The following ATP10B variants were observed in gnomAD, a reference collection of about 807,000 sequenced individuals.
ATP10B encodes the protein ATPase phospholipid transporting 10B (putative), also known as phospholipid-transporting ATPase VB.
A neutral mutation model predicts 141.2 loss-of-function variants in ATP10B; 122 were observed. That is an observed-to-expected ratio of 0.86 (90% CI 0.75 to 1.00). The LOEUF is 1.00. ATP10B is among the 50% of genes least tolerant of loss of function. ATP10B has a pLI of 0.00. For missense variants in ATP10B, 1,876 were observed against 1,825.3 expected (o/e 1.03, Z -0.51); for synonymous variants, 685 against 692.0 (o/e 0.99, Z 0.16).
chr5:160,689,597 G>A (rs1433811293), intron 3 of ATP10B, among the ~76,000 whole-genome samples: 2 of 152,078 alleles, frequency 1.3e-5, no homozygotes, highest in Non-Finnish European at 2.9e-5. Flanking sequence ...CAAACAGAGA[G>A]CCAAATCATG....
intron 10 of ATP10B, among the ~76,000 whole-genome samples, chr5:160,638,467 G>T (rs574141478): frequency 2.6e-5 from 4 of 152,250 alleles, no homozygotes; most frequent in African/African-American, 9.6e-5. Flanking sequence ...GGCCAAATGG[G>T]CTGGGGAGAG....
chr5:160,926,523 G>T, the ATP10B span, among the ~76,000 whole-genome samples: 1 of 152,206 alleles, frequency 6.6e-6, no homozygotes, highest in Non-Finnish European at 1.5e-5. Context: ...GCCAACCTGA[G>T]GATCAGATAT....
rs562655234 is a variant in ATP10B, at chr5:160,613,819, T to C, written c.2654-894A>G. 2.6e-5 allele frequency: 4 copies of C among 152,310 alleles called. No homozygotes were observed. The South Asian group carries it at 8.3e-4, about 32-fold the overall frequency. The allele number at this position is 152,310 out of a possible 1,614,324, so 9.4% of individuals were successfully genotyped here. A position where few individuals can be genotyped will look rare whatever the true frequency, so the allele number is the denominator to read the frequency against. ...ATCCAAATATTGAATAGTTGCTAAGTGATTAAGCAAAAATAAATCTGCTTT... is the reference window on the plus strand; with the variant it reads ...ATCCAAATATTGAATAGTTGCTAAGCGATTAAGCAAAAATAAATCTGCTTT... On this transcript the variant is annotated intron_variant, in intron 17 of 25. Transcript: ENST00000327245.
chr5:160,636,413 G>C, intron 10 of ATP10B, 104 bp from the exon 11 acceptor site: 1 of 1,230,696 alleles, frequency 8.1e-7, no homozygotes, highest in South Asian at 1.5e-5. Context: ...GTGTGCTTTG[G>C]AGGACCCCTC....
intron 1 of ATP10B, among the ~76,000 whole-genome samples, chr5:160,846,532 C>T (rs1776129042): frequency 6.6e-6 from 1 of 152,118 alleles, no homozygotes; most frequent in African/African-American, 2.4e-5. Flanking sequence ...GTAGTTTTTA[C>T]TCTATAATGC....
chr5:160,810,325 AGTTTCT>A (rs1388115919), intron 1 of ATP10B, among the ~76,000 whole-genome samples: 1 of 151,938 alleles, frequency 6.6e-6, no homozygotes, highest in Admixed American at 6.6e-5. Flanking sequence ...AAATATTTTC[AGTTTCT>A]ATTATCCTTT....
upstream of ATP10B, among the ~76,000 whole-genome samples, chr5:160,857,211 A>G (rs202078170): frequency 7.9e-5 from 12 of 151,934 alleles, no homozygotes; most frequent in East Asian, 2.3e-3. Flanking sequence ...TGGAAGTTTT[A>G]AAATAACAAA....
chr5:160,571,771 C>T (rs1257215617), intron 24 of ATP10B, among the ~76,000 whole-genome samples: 1 of 152,170 alleles, frequency 6.6e-6, no homozygotes, highest in Non-Finnish European at 1.5e-5. Context: ...AAGTTTGGCT[C>T]ACCCAGGTAA....
At chr5:160,860,151 A>G in the ATP10B span, among the ~76,000 whole-genome samples, 1 of 151,902 alleles carries the variant, frequency 6.6e-6, no homozygotes, top group Non-Finnish European at 1.5e-5. Flanking sequence ...TGACTTTTGT[A>G]CACTTAAGGA....
At chr5:160,568,345 G>A (rs531486759) in intron 25 of ATP10B, among the ~76,000 whole-genome samples, 2 of 152,152 alleles carry the variant, frequency 1.3e-5, no homozygotes, top group Non-Finnish European at 2.9e-5. Flanking sequence ...CTAGGGGCAA[G>A]AGAACCTAGG....
At chr5:160,857,808 ATTTCT>A in the ATP10B span, among the ~76,000 whole-genome samples, 3 of 151,802 alleles carry the variant, frequency 2.0e-5, no homozygotes, top group Admixed American at 6.6e-5. Flanking sequence ...GTGTTTTCAG[ATTTCT>A]TTTATCTTTC....
chr5:160,697,615 G>C (rs1198157888), intron 3 of ATP10B, among the ~76,000 whole-genome samples: 5 of 151,974 alleles, frequency 3.3e-5, no homozygotes, highest in Non-Finnish European at 7.4e-5. Context: ...GTGGGGTGGG[G>C]ATTGTTGTCT....
rs1191894438 is a variant in ATP10B at position 160,565,840 on chromosome 5, T to C, written c.3999A>G (p.Lys1333=). 6.2e-7 allele frequency: 1 copy of C among 1,613,898 alleles called. No homozygotes were observed. The highest frequency in any genetic ancestry group is 1.3e-5 in the African/African-American group (1 of 74,904). Residue 1333 remains lysine (K), a synonymous_variant, in exon 26 of 26, where the codon AAA becomes AAG. Coordinates refer to ENST00000327245, the MANE Select transcript of ATP10B (RefSeq NM_025153.3). Reference sequence around the variant, plus strand: ...TTTTGTCTGGGGGGAGTTTGTCAATTTTCTGAGCTTTTGAGATTAGAGACT... The same window carrying C: ...TTTTGTCTGGGGGGAGTTTGTCAATCTTCTGAGCTTTTGAGATTAGAGACT... ...CGKSLISKAQ[K]IDKLPPDKRN...
At chr5:160,765,248 A>C (rs1769316191) in intron 2 of ATP10B, among the ~76,000 whole-genome samples, 1 of 152,190 alleles carries the variant, frequency 6.6e-6, no homozygotes, top group African/African-American at 2.4e-5. Context: ...GGAACAAAAA[A>C]AGGCCCACAT....
chr5:160,588,749 T>A (rs1756080967), intron 24 of ATP10B, among the ~76,000 whole-genome samples: 1 of 152,174 alleles, frequency 6.6e-6, no homozygotes, highest in African/African-American at 2.4e-5. Flanking sequence ...TACACGCTAA[T>A]CATGTAGAGA....
At chr5:160,817,844 G>A (rs145114969) in intron 1 of ATP10B, among the ~76,000 whole-genome samples, 4,776 of 152,112 alleles carry the variant, frequency 0.031, 190 homozygotes, top group East Asian at 0.17. Context: ...AAATAATGCC[G>A]CATATCTACA....
chr5:160,591,009 C>A, intron 23 of ATP10B, 50 bp downstream of exon 23: 2 of 1,420,332 alleles, frequency 1.4e-6, no homozygotes, highest in Non-Finnish European at 2.0e-6. Context: ...ATAAAAAGGA[C>A]CAGTTCTTCT....
chr5:160,765,497 T>C (rs1048626094), intron 2 of ATP10B, among the ~76,000 whole-genome samples: 1 of 152,080 alleles, frequency 6.6e-6, no homozygotes, highest in African/African-American at 2.4e-5. Flanking sequence ...GGTACTGGGA[T>C]AATGCAAGCC....
chr5:160,687,235 C>T (rs1763811912), intron 5 of ATP10B, among the ~76,000 whole-genome samples: 1 of 152,172 alleles, frequency 6.6e-6, no homozygotes, highest in African/African-American at 2.4e-5. Context: ...ATGTCTGTCT[C>T]TTTTACTAGA....
Sources: gnomAD v4.1 joint callset for allele counts (sites outside exome capture counted in the v4.1 genomes callset) on GRCh38, gnomAD v4.1.1 for gene constraint, MANE v1.5 for transcripts, NCBI Gene and HGNC (gene_info 2026-07-23, HGNC 2026-07-21) for gene names.